Variants in PLEKHG5 observed in about 807,000 individuals in gnomAD.
The protein encoded by PLEKHG5 is pleckstrin homology domain-containing family G member 5.
Under a neutral mutation model 103.8 loss-of-function variants are expected in PLEKHG5, and 52 were observed. The ratio of observed to expected loss-of-function variants is 0.50; its 90% CI spans 0.40 to 0.63. The LOEUF (loss-of-function observed/expected upper bound fraction) is 0.63. Among genes scored for constraint, PLEKHG5 ranks in the 30% least tolerant of loss-of-function variants. PLEKHG5 has a pLI of 0.00. For missense variants in PLEKHG5, 1,205 were observed against 1,347.6 expected, an observed-to-expected ratio of 0.89 and a Z score of 1.66; for synonymous variants, 592 against 575.5, an observed-to-expected ratio of 1.03 and a Z score of -0.41.
At chr1:6,512,616 G>C (rs1173189355) in intron 1 of PLEKHG5, among the ~76,000 whole-genome samples, 5 of 152,154 alleles carry the variant, frequency 3.3e-5, no homozygotes, top group African/African-American at 1.2e-4. Flanking sequence ...GGGGCGGGCC[G>C]ACCACAAACC....
chr1:6,518,830 C>T (rs1294013833), intron 1 of PLEKHG5, among the ~76,000 whole-genome samples: 2 of 152,148 alleles, frequency 1.3e-5, no homozygotes, highest in Non-Finnish European at 2.9e-5. Flanking sequence ...GCCACCAGAG[C>T]AACCCTTTGG....
chr1:6,496,406 G>A, upstream of PLEKHG5: 1 of 1,065,560 alleles, frequency 9.4e-7, no homozygotes, highest in Non-Finnish European at 1.4e-6. Flanking sequence ...CCAGGGCTCT[G>A]TGGATAGCTG....
exon 1 of PLEKHG5, chr1:6,519,512 G>T: frequency 1.2e-6 from 2 of 1,613,294 alleles, no homozygotes; most frequent in Non-Finnish European, 1.7e-6. Flanking sequence ...CTGAATTCAT[G>T]CTTGACCTCT....
At chr1:6,475,653 G>A (rs1181255881) in intron 3 of PLEKHG5, 131 bp from the exon 4 acceptor site, 5 of 833,748 alleles carry the variant, frequency 6.0e-6, no homozygotes, top group African/African-American at 3.3e-5. Context: ...GATTCAACCC[G>A]GCCAGGCCCG....
At chr1:6,479,170 ATAGTC>A (rs1380416355) in intron 1 of PLEKHG5, among the ~76,000 whole-genome samples, 5 of 151,994 alleles carry the variant, frequency 3.3e-5, no homozygotes, top group African/African-American at 1.2e-4. Context: ...ACCTTGATAT[ATAGTC>A]TATATTGACA....
chr1:6,481,675 T>C (rs998829202), intron 1 of PLEKHG5, among the ~76,000 whole-genome samples: 3 of 150,830 alleles, frequency 2.0e-5, no homozygotes, highest in African/African-American at 7.3e-5. Flanking sequence ...CCATCCTGGC[T>C]AACATGGTGA....
Position 6,468,412 on chromosome 1 carries a change from C to T in PLEKHG5, c.2424G>A (p.Val808=), listed in dbSNP as rs151184761. 4.3e-5 allele frequency: 69 copies of T among 1,611,956 alleles called. No homozygotes were observed. The African/African-American group carries it at 8.1e-4, about 19-fold the overall frequency. The change falls in exon 20 of 21, where the codon GTG becomes GTA. Residue 808 remains valine (V), a synonymous_variant. Coordinates refer to ENST00000377728, the MANE Select transcript of PLEKHG5 (RefSeq NM_020631.6). ...PTSELLPLGP[V]DGRSCSMDSA... The stretch of plus-strand genomic sequence containing the variant: ...AGTCCATGGAGCAGGAGCGGCCGTC[C>T]ACCGGACCCAGGGGCAGCAGCTCAC...
chr1:6,468,095 A>G lies in PLEKHG5; in HGVS notation c.2741T>C (p.Ile914Thr), dbSNP rs1423426063. ...ELCLAVPAPG[I>T]RTQGSPQEAG... The stretch of plus-strand genomic sequence containing the variant: ...TTCCTGAGGGGAGCCCTGAGTCCTA[A>G]TACCTGGGGCTGGAACAGCCAGGCA... The change falls in exon 20 of 21, where the codon ATT becomes ACT. Residue 914 changes from isoleucine (I) to threonine (T), a missense_variant. Physicochemically the swap from Ile to Thr is moderately conservative, Grantham distance 89. Coordinates refer to ENST00000377728, the MANE Select transcript of PLEKHG5 (RefSeq NM_020631.6). 6 of 1,585,682 alleles carry G rather than the reference A, an allele frequency of 3.8e-6. No homozygotes were observed. Among genetic ancestry groups the G allele is most frequent in the Non-Finnish European group, 5.1e-6 (6 of 1,167,008 alleles).
intron 3 of PLEKHG5, 105 bp from the exon 4 acceptor site, chr1:6,475,627 A>T (rs894670716): frequency 1.0e-6 from 1 of 989,230 alleles, no homozygotes; most frequent in Non-Finnish European, 1.6e-6. Context: ...ACCCCAGGTG[A>T]CAGGTAACCC....
intron 5 of PLEKHG5, 53 bp from the exon 6 acceptor site, chr1:6,474,640 A>G: frequency 3.8e-6 from 6 of 1,595,978 alleles, no homozygotes; most frequent in South Asian, 1.1e-5. Flanking sequence ...CAGTCGCTTC[A>G]GCTTGGGCCC....
At chr1:6,508,007 C>T (rs1439069332) in intron 1 of PLEKHG5, among the ~76,000 whole-genome samples, 1 of 152,162 alleles carries the variant, frequency 6.6e-6, no homozygotes, top group Non-Finnish European at 1.5e-5. Flanking sequence ...TGGGGTGGGT[C>T]CTAGAGCCTT....
chr1:6,489,051 G>A (rs184678319), intron 1 of PLEKHG5, among the ~76,000 whole-genome samples: 2 of 152,232 alleles, frequency 1.3e-5, no homozygotes, highest in South Asian at 4.1e-4. Context: ...AAAGGACGCA[G>A]GTCTGGGGCC....
At chr1:6,495,620 C>T (rs1315413436), upstream of PLEKHG5, among the ~76,000 whole-genome samples, 1 of 152,188 alleles carries the variant, frequency 6.6e-6, no homozygotes, top group Non-Finnish European at 1.5e-5. Flanking sequence ...AGGACCATCT[C>T]AGAAGGCCGG....
chr1:6,504,734 T>G (rs1638256735), intron 1 of PLEKHG5, among the ~76,000 whole-genome samples: 1 of 152,090 alleles, frequency 6.6e-6, no homozygotes, highest in African/African-American at 2.4e-5. Context: ...CACGCCCAGC[T>G]AATTTTTTGT....
exon 1 of PLEKHG5, chr1:6,519,798 A>G: frequency 3.8e-6 from 2 of 532,528 alleles, no homozygotes; most frequent in Non-Finnish European, 3.4e-6. Flanking sequence ...CTCACACTGC[A>G]TTTCCTTGTT....
At chr1:6,478,077 G>C (rs1306171697) in intron 1 of PLEKHG5, among the ~76,000 whole-genome samples, 1 of 151,970 alleles carries the variant, frequency 6.6e-6, no homozygotes, top group Non-Finnish European at 1.5e-5. Context: ...GTAGAGACAG[G>C]GTTTCACTGT....
rs989463764 is a variant in PLEKHG5 at position 6,490,635 on chromosome 1, C to T, written c.-88+1002G>A. 4.1e-6 allele frequency: 4 copies of T among 984,004 alleles called. No homozygotes were observed. The highest frequency in any genetic ancestry group is 3.5e-5 in the African/African-American group (2 of 57,308). 61.0% of individuals were successfully genotyped at this position (984,004 alleles called of 1,614,324 possible). ...GCCGCGCGGGCGCTACCACCTGGAC[C>T]GGCCGGGATGTACCAACGGCGCCGC... On this transcript the variant is annotated intron_variant, in intron 1 of 20. Coordinates refer to ENST00000377728, the MANE Select transcript of PLEKHG5 (RefSeq NM_020631.6). This position sits in a 1 kb window ranked among gnomAD's most constrained non-coding sequence, Gnocchi z 8.0.
chr1:6,517,093 CA>C (rs35237424), intron 1 of PLEKHG5, among the ~76,000 whole-genome samples: 139,762 of 147,396 alleles, frequency 0.95, 66,217 homozygotes, highest in East Asian at 1. Flanking sequence ...ACTAAAAATA[CA>C]AAAAAAAAGG....
chr1:6,500,038 G>C (rs1348764705), upstream of PLEKHG5, among the ~76,000 whole-genome samples: 1 of 152,170 alleles, frequency 6.6e-6, no homozygotes, highest in Admixed American at 6.5e-5. Flanking sequence ...CTGGCTTCAA[G>C]GGATCCTCCT....
Sources: allele counts gnomAD v4.1 joint callset (sites outside exome capture counted in the v4.1 genomes callset), GRCh38; gene constraint gnomAD v4.1.1; non-coding constraint Gnocchi (gnomAD v3.1); transcripts MANE v1.5; gene names NCBI Gene and HGNC (gene_info 2026-07-23, HGNC 2026-07-21).